The following KLK15 variants were observed in gnomAD, a reference collection of about 807,000 sequenced individuals.
KLK15 encodes kallikrein-15.
In KLK15, 19 loss-of-function variants were observed where a neutral mutation model predicts 21.1. That is an observed-to-expected ratio of 0.90 (90% CI 0.63 to 1.32). KLK15 has a LOEUF of 1.32. Ranked by LOEUF, KLK15 falls within the 40% of genes most tolerant of loss-of-function variation. The pLI is 0.00. For synonymous variants in KLK15, 141 were observed against 141.5 expected (o/e 1.00, Z 0.03); for missense variants, 345 against 348.6 (o/e 0.99, Z 0.08).
At chr19:50,828,209 G>A (rs965819267) in intron 1 of KLK15, among the ~76,000 whole-genome samples, 11 of 151,496 alleles carry the variant, frequency 7.3e-5, no homozygotes, top group Non-Finnish European at 1.3e-4. Context: ...GCCTCCCAAA[G>A]TGCTGGGATT....
chr19:50,826,604 C>A lies in KLK15; in HGVS notation c.618+17G>T. 6.4e-6 allele frequency: 10 copies of A among 1,566,956 alleles called. No homozygotes were observed. Among genetic ancestry groups the A allele is most frequent in the Non-Finnish European group, 8.6e-6 (10 of 1,158,960 alleles). On this transcript the variant is annotated intron_variant, in intron 4 of 4. Coordinates refer to ENST00000598239, the Ensembl canonical transcript of KLK15. ...CCATCCCTCTTCTTCCGCCTGATGG[C>A]CCCTCTAGGCTCTGACCTCACAGGA...
intron 1 of KLK15, chr19:50,831,165 C>T (rs1227125672): frequency 9.3e-6 from 3 of 322,370 alleles, no homozygotes; most frequent in African/African-American, 6.4e-5. Flanking sequence ...CAAGGACACA[C>T]AGCAAGGAAG....
At chr19:50,827,707 A>G in exon 2 of KLK15, 1 of 1,611,270 alleles carries the variant, frequency 6.2e-7, no homozygotes. Flanking sequence ...TGGGGAGATG[A>G]GGGAAGCGCC....
rs1012534729 is a variant in KLK15 at position 50,829,749 on chromosome 19, G to A, written c.43+1701C>T. Among the ~76,000 whole-genome samples the A allele has an allele frequency of 6.6e-5, 10 of 151,826 alleles. 1 individual carries two copies. Among genetic ancestry groups the A allele is most frequent in the African/African-American group, 1.4e-4 (6 of 41,402 alleles). ...ACAGAATTGCTTGAACCTGGGAGGC[G>A]GAGGTTGCAGTGAGCTGAGGTTGCA... On this transcript the variant is annotated intron_variant, in intron 1 of 4. Coordinates refer to ENST00000598239, the Ensembl canonical transcript of KLK15.
chr19:50,832,541 TTG>T (rs1257926665), upstream of KLK15, among the ~76,000 whole-genome samples: 2,433 of 151,498 alleles, frequency 0.016, 22 homozygotes, highest in Non-Finnish European at 0.025. Flanking sequence ...CAGGCTGGTC[TTG>T]AACTCCTGAC....
upstream of KLK15, among the ~76,000 whole-genome samples, chr19:50,832,573 T>A (rs997847954): frequency 6.6e-6 from 1 of 151,826 alleles, no homozygotes; most frequent in Non-Finnish European, 1.5e-5. Flanking sequence ...TCCACCCGCC[T>A]CAGCCTCCCA....
upstream of KLK15, among the ~76,000 whole-genome samples, chr19:50,832,322 C>CTTTTTT (rs773163899): frequency 9.1e-5 from 10 of 109,432 alleles, no homozygotes; most frequent in Non-Finnish European, 1.5e-4. Flanking sequence ...CTTTTTTTTT[C>CTTTTTT]TTTTTTTTTT....
exon 5 of KLK15, chr19:50,825,754 G>T: frequency 1.3e-6 from 2 of 1,590,412 alleles, no homozygotes; most frequent in Non-Finnish European, 1.7e-6. Flanking sequence ...CAGCTGTGGG[G>T]GCTTCTGCTC....
Position 50,830,906 on chromosome 19 carries a change from G to A in KLK15, c.43+544C>T, listed in dbSNP as rs11881755. Among the ~76,000 whole-genome samples, 885 of 152,178 alleles carry A rather than the reference G, an allele frequency of 5.8e-3. 11 individuals carry two copies. The highest frequency in any genetic ancestry group is 0.02 in the African/African-American group (847 of 41,512). On this transcript the variant is annotated intron_variant, in intron 1 of 4. Transcript: ENST00000598239. ...TGCACACCTGAAGGGGCACTACCTG[G>A]GCCAGGCTTATGCTTCTGCCTCACA...
upstream of KLK15, among the ~76,000 whole-genome samples, chr19:50,833,445 C>T (rs190222617): frequency 3.9e-5 from 6 of 152,334 alleles, no homozygotes; most frequent in East Asian, 1.9e-4. Flanking sequence ...GTTCTCCAAG[C>T]GTGGTCAACG....
chr19:50,831,397 G>C, intron 1 of KLK15, 53 bp downstream of exon 2: 3 of 1,307,764 alleles, frequency 2.3e-6, no homozygotes, highest in Middle Eastern at 2.7e-4. Flanking sequence ...AGACATGCTT[G>C]GGAAGGGGGC....
intron 1 of KLK15, among the ~76,000 whole-genome samples, chr19:50,828,805 C>T (rs4802748): frequency 0.22 from 33,574 of 150,344 alleles, 4,583 homozygotes; most frequent in Non-Finnish European, 0.27. Flanking sequence ...CTGTCTCTAA[C>T]AAAAATACAA....
intron 2 of KLK15, 145 bp downstream of exon 3, chr19:50,827,517 C>T: frequency 3.7e-6 from 3 of 812,712 alleles, no homozygotes; most frequent in Non-Finnish European, 5.7e-6. Context: ...AACACACACT[C>T]CTTCCTAACC....
At chr19:50,828,427 C>T (rs2089923257) in intron 1 of KLK15, among the ~76,000 whole-genome samples, 2 of 151,650 alleles carry the variant, frequency 1.3e-5, no homozygotes, top group African/African-American at 2.4e-5. Context: ...CACTTGAAAC[C>T]AGTCATTCAC....
At chr19:50,828,299 C>G (rs1274779508) in intron 1 of KLK15, among the ~76,000 whole-genome samples, 2 of 151,516 alleles carry the variant, frequency 1.3e-5, no homozygotes, top group Non-Finnish European at 3.0e-5. Flanking sequence ...CTCTAGCCCC[C>G]ACCCCATTTG....
intron 1 of KLK15, 44 bp from the exon 3 acceptor site, chr19:50,827,859 A>T (rs761262975): frequency 6.3e-7 from 1 of 1,586,152 alleles, no homozygotes; most frequent in Admixed American, 1.7e-5. Context: ...GGACGTTTAC[A>T]TTGCCTCCTA....
chr19:50,826,057 G>T, intron 4 of KLK15, 109 bp from the exon 6 acceptor site: 1 of 1,159,344 alleles, frequency 8.6e-7, no homozygotes, highest in Non-Finnish European at 1.2e-6. Context: ...CCATCCCAGG[G>T]AACCCCAACC....
rs369714675 is a variant in KLK15, at chr19:50,825,963, G to C, written c.619-15C>G. On this transcript the variant is annotated splice_polypyrimidine_tract_variant and intron_variant, in intron 4 of 4. Transcript: ENST00000598239. Reference sequence around the variant, plus strand: ...CCAGAGTCACCCTGTGGGGAAAAGAGGGGGTCTCAGGTTGAGTGAAACCTC... The same window carrying C: ...CCAGAGTCACCCTGTGGGGAAAAGACGGGGTCTCAGGTTGAGTGAAACCTC... 7.5e-6 allele frequency: 12 copies of C among 1,607,028 alleles called. No homozygotes were observed. In the African/African-American group the frequency reaches 1.5e-4, roughly 20 times the overall value.
intron 1 of KLK15, among the ~76,000 whole-genome samples, chr19:50,828,034 C>A (rs1296149255): frequency 1.3e-5 from 2 of 151,540 alleles, no homozygotes; most frequent in African/African-American, 4.8e-5. Context: ...CTCACTGCAA[C>A]TTCCGCCTCC....
Sources: gnomAD v4.1 joint callset for allele counts (sites outside exome capture counted in the v4.1 genomes callset) on GRCh38, gnomAD v4.1.1 for gene constraint, MANE v1.5 for transcripts, NCBI Gene and HGNC (gene_info 2026-07-23, HGNC 2026-07-21) for gene names.